DAB1: variants seen among roughly 807,000 people sequenced by gnomAD.
The protein encoded by DAB1 is DAB adaptor protein 1.
A neutral mutation model predicts 64.6 loss-of-function variants in DAB1; 15 were observed. The ratio of observed to expected loss-of-function variants is 0.23; its 90% CI spans 0.16 to 0.36. DAB1 has a LOEUF of 0.36. Among genes scored for constraint, DAB1 ranks in the 10% least tolerant of loss-of-function variants. DAB1 has a pLI of 1.00. For synonymous variants in DAB1, 235 were observed against 251.9 expected (o/e 0.93, Z 0.64); for missense variants, 596 against 706.7 (o/e 0.84, Z 1.78).
intron 2 of DAB1, among the ~76,000 whole-genome samples, chr1:57,229,466 A>AT (rs909873328): frequency 6.6e-6 from 1 of 151,990 alleles, no homozygotes; most frequent in Non-Finnish European, 1.5e-5. Context: ...AAAGGCTGGG[A>AT]TTACAGACGT....
chr1:58,356,121 T>C (rs980627825), intron 3 of DAB1, among the ~76,000 whole-genome samples: 1 of 152,204 alleles, frequency 6.6e-6, no homozygotes, highest in Non-Finnish European at 1.5e-5. Flanking sequence ...ACCAGGATGA[T>C]GGCTGAGGAC....
chr1:58,213,455 T>C (rs745733617), intron 4 of DAB1, among the ~76,000 whole-genome samples: 4 of 152,068 alleles, frequency 2.6e-5, no homozygotes, highest in Non-Finnish European at 4.4e-5. Flanking sequence ...ACAATCACAG[T>C]GGAAGGCAGG....
At chr1:57,327,058 C>A (rs149677937) in intron 1 of DAB1, among the ~76,000 whole-genome samples, 7 of 152,134 alleles carry the variant, frequency 4.6e-5, no homozygotes, top group African/African-American at 1.7e-4. Context: ...CTGGCATCAG[C>A]CCCCTGAGTA....
chr1:58,428,339 A>G (rs1644839678), intron 3 of DAB1, among the ~76,000 whole-genome samples: 1 of 152,260 alleles, frequency 6.6e-6, no homozygotes, highest in Non-Finnish European at 1.5e-5. Flanking sequence ...TACAGGAAAT[A>G]CAGGAGACAG....
intron 3 of DAB1, among the ~76,000 whole-genome samples, chr1:58,488,867 G>A (rs181540128): frequency 2.2e-4 from 33 of 152,332 alleles, no homozygotes; most frequent in African/African-American, 7.5e-4. Flanking sequence ...TTATCAGTGA[G>A]AACATAACAT....
At chr1:58,166,979 TC>T (rs1655874527) in intron 4 of DAB1, among the ~76,000 whole-genome samples, 1 of 151,432 alleles carries the variant, frequency 6.6e-6, no homozygotes, top group Admixed American at 6.6e-5. Flanking sequence ...ACTTCTGGCC[TC>T]AAGAAATCCA....
intron 3 of DAB1, among the ~76,000 whole-genome samples, chr1:58,486,047 A>G (rs1645570971): frequency 6.6e-6 from 1 of 152,220 alleles, no homozygotes; most frequent in Non-Finnish European, 1.5e-5. Flanking sequence ...ACTAACATCT[A>G]CTGTTCACTT....
chr1:57,425,911 T>G (rs1685267957), upstream of DAB1, among the ~76,000 whole-genome samples: 1 of 152,162 alleles, frequency 6.6e-6, no homozygotes, highest in Non-Finnish European at 1.5e-5. Flanking sequence ...GGCAACTCAA[T>G]TAAGATTAAC....
intron 7 of DAB1, among the ~76,000 whole-genome samples, chr1:57,471,471 T>G (rs899717696): frequency 2.6e-5 from 4 of 152,196 alleles, no homozygotes; most frequent in African/African-American, 9.6e-5. Context: ...ACTGATATGG[T>G]TTGGCTGTGT....
chr1:58,228,750 T>C (rs1326477622), intron 4 of DAB1: 10 of 978,414 alleles, frequency 1.0e-5, no homozygotes, highest in African/African-American at 1.6e-5. Context: ...CAGGCCCACG[T>C]TGATGGCATA....
chr1:58,089,361 G>A (rs1177749904), intron 5 of DAB1, among the ~76,000 whole-genome samples: 1 of 152,246 alleles, frequency 6.6e-6, no homozygotes. Flanking sequence ...ATGCGCTTAC[G>A]AGTACATGGC....
chr1:58,401,490 T>C (rs1028628731), intron 3 of DAB1, among the ~76,000 whole-genome samples: 1 of 152,246 alleles, frequency 6.6e-6, no homozygotes, highest in Non-Finnish European at 1.5e-5. Flanking sequence ...CAGCACATCA[T>C]ATCTCCATCT....
chr1:58,496,273 C>A (rs1645801141), intron 3 of DAB1, among the ~76,000 whole-genome samples: 1 of 151,994 alleles, frequency 6.6e-6, no homozygotes, highest in African/African-American at 2.4e-5. Flanking sequence ...CTCTTTACAG[C>A]CTCCACCGAA....
At chr1:58,158,113 T>C (rs991586524) in intron 4 of DAB1, among the ~76,000 whole-genome samples, 3 of 152,174 alleles carry the variant, frequency 2.0e-5, no homozygotes, top group Admixed American at 1.3e-4. Context: ...CTTCCCTTTT[T>C]TCCTTTACTT....
chr1:58,249,692 G>C (rs965429308), intron 4 of DAB1, among the ~76,000 whole-genome samples: 1 of 152,092 alleles, frequency 6.6e-6, no homozygotes, highest in Non-Finnish European at 1.5e-5. Flanking sequence ...AGTCGTCGAC[G>C]CGGATGAAGT....
intron 1 of DAB1, among the ~76,000 whole-genome samples, chr1:57,356,046 G>T (rs2100877917): frequency 6.6e-6 from 1 of 151,708 alleles, no homozygotes; most frequent in East Asian, 1.9e-4. Context: ...TTTATTTATT[G>T]TCTATTTGCC....
At chr1:58,431,000 G>T (rs1644864688) in intron 3 of DAB1, among the ~76,000 whole-genome samples, 1 of 152,116 alleles carries the variant, frequency 6.6e-6, no homozygotes, top group Non-Finnish European at 1.5e-5. Flanking sequence ...CTATTCTCTG[G>T]GGATCCCTGA....
At chr1:58,370,665 G>T (rs1256871986) in intron 3 of DAB1, among the ~76,000 whole-genome samples, 1 of 152,110 alleles carries the variant, frequency 6.6e-6, no homozygotes, top group Non-Finnish European at 1.5e-5. Context: ...AATCCAAATT[G>T]TAATCCCCAC....
chr1:57,949,276 A>ATG (rs1266027785), intron 5 of DAB1, among the ~76,000 whole-genome samples: 1 of 152,172 alleles, frequency 6.6e-6, no homozygotes, highest in Admixed American at 6.5e-5. Flanking sequence ...TGTGCAGTTC[A>ATG]CAATAGGGTT....
Sources: allele counts gnomAD v4.1 joint callset (sites outside exome capture counted in the v4.1 genomes callset), GRCh38; gene constraint gnomAD v4.1.1; transcripts MANE v1.5; gene names NCBI Gene and HGNC (gene_info 2026-07-23, HGNC 2026-07-21).